Variants in PRKCA observed in about 807,000 individuals in gnomAD.
PRKCA encodes the protein protein kinase C alpha type.
Under a neutral mutation model 87.0 loss-of-function variants are expected in PRKCA, and 27 were observed. That is an observed-to-expected ratio of 0.31 (90% CI 0.23 to 0.43). The LOEUF is 0.43. Ranked by LOEUF, PRKCA falls within the 20% of genes least tolerant of loss-of-function variation. The pLI is 1.00. For missense variants in PRKCA, 518 were observed against 852.3 expected, an observed-to-expected ratio of 0.61 and a Z score of 4.88; for synonymous variants, 329 against 311.1, an observed-to-expected ratio of 1.06 and a Z score of -0.61.
chr17:66,693,778 C>T (rs1008903814), intron 8 of PRKCA, among the ~76,000 whole-genome samples: 1 of 152,154 alleles, frequency 6.6e-6, no homozygotes, highest in East Asian at 1.9e-4. Context: ...TCAAGTCTGC[C>T]GTTGCAGCTC....
intron 13 of PRKCA, among the ~76,000 whole-genome samples, chr17:66,767,371 G>C (rs1457532467): frequency 6.6e-6 from 1 of 152,148 alleles, no homozygotes; most frequent in East Asian, 1.9e-4. Flanking sequence ...AGTGAAGACG[G>C]ACTGTAATAA....
chr17:66,313,970 T>C (rs771461063), intron 2 of PRKCA, among the ~76,000 whole-genome samples: 1 of 152,236 alleles, frequency 6.6e-6, no homozygotes, highest in Non-Finnish European at 1.5e-5. Flanking sequence ...TATTCAATGC[T>C]ACATTATGTC....
chr17:66,736,341 G>A (rs887358944), intron 10 of PRKCA, among the ~76,000 whole-genome samples: 6 of 151,172 alleles, frequency 4.0e-5, no homozygotes, highest in East Asian at 3.9e-4. Flanking sequence ...GCAATGGTGC[G>A]ATCTCTGCTC....
chr17:66,517,023 C>A (rs528388897), intron 3 of PRKCA, among the ~76,000 whole-genome samples: 1 of 152,086 alleles, frequency 6.6e-6, no homozygotes, highest in African/African-American at 2.4e-5. Flanking sequence ...CGGTGGTTCA[C>A]GCCTGTAATC....
intron 2 of PRKCA, among the ~76,000 whole-genome samples, chr17:66,328,220 T>A (rs1906104191): frequency 6.6e-6 from 1 of 151,714 alleles, no homozygotes; most frequent in Non-Finnish European, 1.5e-5. Context: ...TAAAAGACAA[T>A]TTTTTTTGTT....
intron 16 of PRKCA, chr17:66,796,793 G>A (rs527370084): frequency 1.8e-4 from 181 of 985,312 alleles, no homozygotes; most frequent in East Asian, 3.4e-4. Context: ...GTGGCGATGC[G>A]GTTGCTAAGG....
chr17:66,369,295 C>T (rs1470563807), intron 2 of PRKCA, among the ~76,000 whole-genome samples: 1 of 152,128 alleles, frequency 6.6e-6, no homozygotes, highest in Non-Finnish European at 1.5e-5. Flanking sequence ...CAAGATATCC[C>T]AGTACTTCCA....
At chr17:66,565,086 A>G (rs1427261482) in intron 3 of PRKCA, among the ~76,000 whole-genome samples, 1 of 152,198 alleles carries the variant, frequency 6.6e-6, no homozygotes, top group African/African-American at 2.4e-5. Flanking sequence ...TCTGGTCCCA[A>G]CACTTATTAT....
chr17:66,748,848 G>C (rs1046045745), intron 13 of PRKCA, among the ~76,000 whole-genome samples: 1 of 152,064 alleles, frequency 6.6e-6, no homozygotes, highest in East Asian at 1.9e-4. Flanking sequence ...CGGGAAGGAG[G>C]GAGGGAGAAA....
intron 2 of PRKCA, among the ~76,000 whole-genome samples, chr17:66,453,427 C>G (rs1011172482): frequency 2.1e-4 from 32 of 152,082 alleles, no homozygotes; most frequent in African/African-American, 7.7e-4. Context: ...AAGCGATTCT[C>G]CTGCCTCAGC....
chr17:66,466,367 G>A (rs567931129), intron 2 of PRKCA, among the ~76,000 whole-genome samples: 2 of 152,280 alleles, frequency 1.3e-5, no homozygotes, highest in African/African-American at 4.8e-5. Context: ...CCAGACCCAG[G>A]GAGCCCTGCG....
intron 16 of PRKCA, among the ~76,000 whole-genome samples, chr17:66,799,082 G>GTGA (rs1975795022): frequency 7.0e-4 from 1 of 1,428 alleles, no homozygotes; most frequent in Non-Finnish European, 1.5e-3. Flanking sequence ...GGTGGTGGTG[G>GTGA]TGGTGGTGGT....
intron 2 of PRKCA, among the ~76,000 whole-genome samples, chr17:66,311,884 G>C (rs1422515615): frequency 2.0e-5 from 3 of 152,220 alleles, no homozygotes; most frequent in African/African-American, 7.2e-5. Context: ...AGCTGGGGTT[G>C]TAGCATATGG....
At chr17:66,366,342 T>G (rs1431108764) in intron 2 of PRKCA, among the ~76,000 whole-genome samples, 2 of 152,162 alleles carry the variant, frequency 1.3e-5, no homozygotes, top group African/African-American at 4.8e-5. Flanking sequence ...TTTACACCAT[T>G]TTCTGAGGCT....
chr17:66,571,222 C>G (rs1339376659), intron 3 of PRKCA, among the ~76,000 whole-genome samples: 1 of 152,142 alleles, frequency 6.6e-6, no homozygotes, highest in Middle Eastern at 3.2e-3. Flanking sequence ...ATTCCTAATC[C>G]CTATCATCTT....
chr17:66,732,795 C>T lies in PRKCA; in HGVS notation c.1026C>T (p.Leu342=). 2 of 1,614,180 alleles carry T rather than the reference C, an allele frequency of 1.2e-6. No homozygotes were observed. Among genetic ancestry groups the T allele is most frequent in the African/African-American group, 1.3e-5 (1 of 75,056 alleles). ...TGAAACTCACGGACTTCAATTTCCTCATGGTGTTGGGAAAGGGGAGTTTTG... is the reference window on the plus strand; with the variant it reads ...TGAAACTCACGGACTTCAATTTCCTTATGGTGTTGGGAAAGGGGAGTTTTG... ...DRVKLTDFNF[L]MVLGKGSFGK... Residue 342 remains leucine (L), a synonymous_variant, in exon 9 of 17, where the codon CTC becomes CTT. Transcript: ENST00000413366.
chr17:66,770,064 T>C (rs1167200401), intron 13 of PRKCA, among the ~76,000 whole-genome samples: 1 of 152,242 alleles, frequency 6.6e-6, no homozygotes, highest in Non-Finnish European at 1.5e-5. Flanking sequence ...ATACTTTATA[T>C]TTCCTCTCAG....
chr17:66,320,390 A>ATTTT (rs1567770368), intron 2 of PRKCA, among the ~76,000 whole-genome samples: 3 of 150,672 alleles, frequency 2.0e-5, no homozygotes, highest in African/African-American at 7.3e-5. Context: ...TTTTTTTTTA[A>ATTTT]AAAAAGAAAG....
chr17:66,788,554 G>T (rs1239589854), intron 15 of PRKCA, among the ~76,000 whole-genome samples: 1 of 151,738 alleles, frequency 6.6e-6, no homozygotes, highest in Non-Finnish European at 1.5e-5. Context: ...AACAGACAAC[G>T]TGTGAGATGT....
Sources: gnomAD v4.1 joint callset for allele counts (sites outside exome capture counted in the v4.1 genomes callset) on GRCh38, gnomAD v4.1.1 for gene constraint, MANE v1.5 for transcripts, NCBI Gene and HGNC (gene_info 2026-07-23, HGNC 2026-07-21) for gene names.